The following ANKRD28 variants were observed in gnomAD, a reference collection of about 807,000 sequenced individuals.
ANKRD28 encodes the protein serine/threonine-protein phosphatase 6 regulatory ankyrin repeat subunit A.
Under a neutral mutation model 126.5 loss-of-function variants are expected in ANKRD28, and 44 were observed. The observed-to-expected ratio is 0.35, with a 90% CI of 0.27 to 0.45. The LOEUF (loss-of-function observed/expected upper bound fraction) is 0.45. Among genes scored for constraint, ANKRD28 ranks in the 20% least tolerant of loss-of-function variants. ANKRD28 has a pLI of 1.00. For synonymous variants in ANKRD28, 442 were observed against 468.5 expected, an observed-to-expected ratio of 0.94 and a Z score of 0.73; for missense variants, 1,110 against 1,316.6, an observed-to-expected ratio of 0.84 and a Z score of 2.43.
intron 9 of ANKRD28, among the ~76,000 whole-genome samples, chr3:15,714,261 G>A (rs1488835275): frequency 1.3e-5 from 2 of 151,882 alleles, no homozygotes; most frequent in Non-Finnish European, 2.9e-5. Flanking sequence ...TATATACAGA[G>A]TACACACATT....
chr3:15,680,437 T>A (rs1418563358), intron 21 of ANKRD28, among the ~76,000 whole-genome samples: 1 of 151,920 alleles, frequency 6.6e-6, no homozygotes, highest in Non-Finnish European at 1.5e-5. Context: ...AAACTCCTGA[T>A]CTCAGGTGAT....
At chr3:15,702,019 A>C (rs566790591) in intron 14 of ANKRD28, among the ~76,000 whole-genome samples, 12 of 152,328 alleles carry the variant, frequency 7.9e-5, no homozygotes, top group South Asian at 4.1e-4. Context: ...CCTGAATACA[A>C]AACTTATTCT....
At chr3:15,692,387 C>T (rs1248512704) in intron 17 of ANKRD28, among the ~76,000 whole-genome samples, 1 of 152,120 alleles carries the variant, frequency 6.6e-6, no homozygotes, top group Admixed American at 6.6e-5. Context: ...GAATTCAAGA[C>T]TGTAGTGAGC....
At position 15,669,884 on chromosome 3, in the gene ANKRD28, CT is replaced by C. The variant is rs532581885; in HGVS notation, c.*385del. ...GCCTACTGTACCAAACTTTTATTGC[CT>C]TTAAATTTAGTTGTAATTTTATTGA... On this transcript the variant is annotated 3_prime_UTR_variant, in exon 28 of 28. Transcript: ENST00000683139. 471 of 165,948 alleles carry C rather than the reference CT, an allele frequency of 2.8e-3. 3 individuals carry two copies. Among genetic ancestry groups the C allele is most frequent in the African/African-American group, 0.011 (461 of 41,786 alleles). 10.3% of individuals were successfully genotyped at this position (165,948 alleles called of 1,614,324 possible).
chr3:15,698,270 C>A (rs6784108), intron 14 of ANKRD28, among the ~76,000 whole-genome samples: 25,622 of 152,056 alleles, frequency 0.17, 2,761 homozygotes, highest in Non-Finnish European at 0.23. Flanking sequence ...ATGACAAACC[C>A]ACAGCCAATA....
At position 15,710,011 on chromosome 3, in the gene ANKRD28, G is replaced by T. The variant is rs945869059; in HGVS notation, c.1338-275C>A. 3.3e-5 allele frequency among the ~76,000 whole-genome samples: 5 copies of T among 149,400 alleles called. No homozygotes were observed. In the South Asian group the frequency reaches 1.1e-3, roughly 32 times the overall value. On this transcript the variant is annotated intron_variant, in intron 12 of 27. Transcript: ENST00000683139. ...CATTTGCAAAAGAGATTCTGAGGAG[G>T]CTTTAGGAAACAACTTGCTTATAGG...
intron 3 of ANKRD28, chr3:15,756,540 G>A (rs1267784373): frequency 2.0e-6 from 2 of 984,622 alleles, no homozygotes; most frequent in Non-Finnish European, 1.2e-6. Flanking sequence ...CTAACGTTGT[G>A]AAGACACAGT....
chr3:15,721,153 T>C (rs2073681068), intron 7 of ANKRD28, 26 bp from the exon 8 acceptor site: 2 of 1,584,408 alleles, frequency 1.3e-6, no homozygotes, highest in Non-Finnish European at 1.7e-6. Flanking sequence ...AAAATGCGAA[T>C]GTTAAAGTAG....
chr3:15,710,943 A>T (rs2126058548), intron 12 of ANKRD28, among the ~76,000 whole-genome samples: 1 of 152,254 alleles, frequency 6.6e-6, no homozygotes, highest in Admixed American at 6.5e-5. Flanking sequence ...AAATAGTTTT[A>T]CTTATCCAGA....
rs1316854257 is a variant in ANKRD28 at position 15,853,344 on chromosome 3, TATAA to T, written c.27+6029_27+6032del. 6.6e-6 allele frequency among the ~76,000 whole-genome samples: 1 copy of T among 152,184 alleles called. No individual in the cohort carries two copies. The highest frequency in any genetic ancestry group is 2.4e-5 in the African/African-American group (1 of 41,432). On this transcript the variant is annotated intron_variant, in intron 1 of 27. Transcript: ENST00000399451. The surrounding 1 kb of genome is among the most constrained non-coding windows in gnomAD (Gnocchi z 4.2). ...GTCCAGAATGAGTACATTCACTGAATATAAATTTTACATTAGACTAGAAAATTAA... is the reference window on the plus strand; with the variant it reads ...GTCCAGAATGAGTACATTCACTGAATATTTTACATTAGACTAGAAAATTAA...
intron 14 of ANKRD28, among the ~76,000 whole-genome samples, chr3:15,699,675 C>T (rs1438779954): frequency 6.6e-6 from 1 of 152,136 alleles, no homozygotes; most frequent in African/African-American, 2.4e-5. Flanking sequence ...CAAATAAAAA[C>T]CACAATGAGA....
At chr3:15,768,584 T>C (rs2058853660) in intron 2 of ANKRD28, among the ~76,000 whole-genome samples, 1 of 151,480 alleles carries the variant, frequency 6.6e-6, no homozygotes, top group Non-Finnish European at 1.5e-5. Context: ...TCCAGGAGCT[T>C]GAGGCTGCTG....
chr3:15,792,270 A>G (rs960104748), intron 2 of ANKRD28, among the ~76,000 whole-genome samples: 5 of 152,172 alleles, frequency 3.3e-5, no homozygotes, highest in African/African-American at 9.7e-5. Context: ...CTGCACTCCT[A>G]TGTTTGTTGC....
intron 8 of ANKRD28, among the ~76,000 whole-genome samples, chr3:15,717,592 C>G (rs2073219012): frequency 6.6e-6 from 1 of 151,836 alleles, no homozygotes; most frequent in African/African-American, 2.4e-5. Flanking sequence ...GTTGATCTCA[C>G]AGGCAACCAA....
intron 21 of ANKRD28, 67 bp from the exon 22 acceptor site, chr3:15,679,630 G>C (rs2067311239): frequency 7.9e-7 from 1 of 1,264,522 alleles, no homozygotes; most frequent in Non-Finnish European, 1.1e-6. Context: ...ACAGGTACAT[G>C]TAAGTGTTTA....
rs968650505 is a variant in ANKRD28, at chr3:15,817,878, T to G, written c.28-22572A>C. On this transcript the variant is annotated intron_variant, in intron 1 of 27. Coordinates refer to the ANKRD28 transcript ENST00000399451. This position sits in a 1 kb window ranked among gnomAD's most constrained non-coding sequence, Gnocchi z 4.5. ...ACAACATGATTGTCTTTATAGAAGATTCCATGGAATCTATTAAAAAATGCC... is the reference window on the plus strand; with the variant it reads ...ACAACATGATTGTCTTTATAGAAGAGTCCATGGAATCTATTAAAAAATGCC... Among the ~76,000 whole-genome samples the G allele has an allele frequency of 1.3e-5, 2 of 152,112 alleles. No individual in the cohort carries two copies. The highest frequency in any genetic ancestry group is 6.6e-5 in the Admixed American group (1 of 15,256).
intron 2 of ANKRD28, among the ~76,000 whole-genome samples, chr3:15,767,908 CAACAAA>C (rs151224654): frequency 0.021 from 3,158 of 150,962 alleles, 82 homozygotes; most frequent in African/African-American, 0.059. Context: ...CAAAACAAAA[CAACAAA>C]AACAAAAACA....
intron 16 of ANKRD28, among the ~76,000 whole-genome samples, 176 bp from the exon 17 acceptor site, chr3:15,694,989 A>G (rs149551683): frequency 2.2e-4 from 34 of 152,308 alleles, no homozygotes; most frequent in African/African-American, 7.9e-4. Flanking sequence ...GAAGACAGGC[A>G]TAAGAGTTTG....
At chr3:15,754,947 G>C (rs188913926) in intron 3 of ANKRD28, among the ~76,000 whole-genome samples, 86 of 152,058 alleles carry the variant, frequency 5.7e-4, no homozygotes, top group South Asian at 1.7e-3. Context: ...TGAAACCCAG[G>C]CCCTACTAAA....
Sources: allele counts gnomAD v4.1 joint callset (sites outside exome capture counted in the v4.1 genomes callset), GRCh38; gene constraint gnomAD v4.1.1; non-coding constraint Gnocchi (gnomAD v3.1); transcripts MANE v1.5; gene names NCBI Gene and HGNC (gene_info 2026-07-23, HGNC 2026-07-21).